Variants in DNM3 observed in about 807,000 individuals in gnomAD.
DNM3 encodes dynamin 3.
In DNM3, 47 loss-of-function variants were observed where a neutral mutation model predicts 101.6. The observed-to-expected ratio is 0.46, with a 90% CI of 0.37 to 0.59. DNM3 has a LOEUF of 0.59. Ranked by LOEUF, DNM3 falls within the 20% of genes least tolerant of loss-of-function variation. The pLI, the probability that DNM3 is intolerant of heterozygous loss-of-function variation, is 0.00. For missense variants in DNM3, 849 were observed against 1,085.7 expected (o/e 0.78, Z 3.06); for synonymous variants, 385 against 387.9 (o/e 0.99, Z 0.09).
rs563729117 is a variant in DNM3 at position 171,917,919 on chromosome 1, T to C, written c.162-3829T>C. ...AATATGCTTACGGGAGAAAACCTAT[T>C]GCACAGAAAATGATACAATTCAATT... On this transcript the variant is annotated intron_variant, in intron 1 of 20. Coordinates refer to ENST00000627582, the MANE Select transcript of DNM3 (RefSeq NM_015569.5). Among the ~76,000 whole-genome samples the C allele has an allele frequency of 2.0e-5, 3 of 152,312 alleles. No individual in the cohort carries two copies. The South Asian group carries it at 6.2e-4, about 32-fold the overall frequency.
In DNM3 at chr1:172,283,272, G is replaced by T. The variant is rs962329807; in HGVS notation, c.1770-25456G>T. Among the ~76,000 whole-genome samples, 5 of 152,016 alleles carry T rather than the reference G, an allele frequency of 3.3e-5. No individual in the cohort carries two copies. The South Asian group carries it at 6.2e-4, about 19-fold the overall frequency. On this transcript the variant is annotated intron_variant, in intron 15 of 20. Transcript: ENST00000627582. ...ATCTCTCTTCTCTTTAGTCACTTTGGAGGCTTTCTCCAGCTCCTTCCCACT... is the reference window on the plus strand; with the variant it reads ...ATCTCTCTTCTCTTTAGTCACTTTGTAGGCTTTCTCCAGCTCCTTCCCACT...
At chr1:172,415,533 T>TG (rs2149144645), downstream of DNM3, among the ~76,000 whole-genome samples, 1 of 112,200 alleles carries the variant, frequency 8.9e-6, no homozygotes, top group African/African-American at 3.0e-5. Flanking sequence ...AGTTTTTTTT[T>TG]TTTTTTTTTT....
At chr1:171,871,530 G>T (rs988437746) in intron 1 of DNM3, among the ~76,000 whole-genome samples, 1 of 152,112 alleles carries the variant, frequency 6.6e-6, no homozygotes, top group Non-Finnish European at 1.5e-5. Flanking sequence ...TAGGATTCTC[G>T]CAAGAACTGT....
chr1:171,988,304 C>A (rs75628552), intron 3 of DNM3, among the ~76,000 whole-genome samples: 5,143 of 152,104 alleles, frequency 0.034, 227 homozygotes, highest in African/African-American at 0.1. Context: ...TTTTAGTGGG[C>A]AAATTTTCAT....
At chr1:171,975,180 T>G (rs1307949937) in intron 2 of DNM3, among the ~76,000 whole-genome samples, 1 of 152,154 alleles carries the variant, frequency 6.6e-6, no homozygotes, top group East Asian at 1.9e-4. Context: ...TTAAAAAACT[T>G]TCAAGAAATG....
rs184283166 is a variant in DNM3 at position 172,268,763 on chromosome 1, A to C, written c.1769+15081A>C. Among the ~76,000 whole-genome samples, 35 of 152,324 alleles carry C rather than the reference A, an allele frequency of 2.3e-4. No homozygotes were observed. The East Asian group carries it at 5.6e-3, about 24-fold the overall frequency. ...CCTGTGACTTAAAGCAAGCAATTTA[A>C]ATTCTTTATTGTTTTTCAAATGAAA... On this transcript the variant is annotated intron_variant, in intron 15 of 20. Coordinates refer to ENST00000627582, the MANE Select transcript of DNM3 (RefSeq NM_015569.5).
At chr1:172,294,292 T>G (rs992784380) in intron 15 of DNM3, among the ~76,000 whole-genome samples, 1 of 152,188 alleles carries the variant, frequency 6.6e-6, no homozygotes, top group Non-Finnish European at 1.5e-5. Flanking sequence ...CTTTTAAACT[T>G]GAATATCTTA....
rs139756378 is a variant in DNM3, at chr1:172,343,327, C to T, written c.1893+19987C>T. 8.3e-3 allele frequency among the ~76,000 whole-genome samples: 1,264 copies of T among 151,770 alleles called. 10 individuals are homozygous for T. The highest frequency in any genetic ancestry group is 0.029 in the African/African-American group (1,187 of 41,282). ...ACTAAAAACAACAAAATTCCAAAAG[C>T]TTTTACTAATTAAAAAGAGAGGAAC... On this transcript the variant is annotated intron_variant, in intron 17 of 20. Coordinates refer to ENST00000627582, the MANE Select transcript of DNM3 (RefSeq NM_015569.5).
chr1:172,296,068 A>G (rs1195326801), intron 15 of DNM3, among the ~76,000 whole-genome samples: 1 of 152,224 alleles, frequency 6.6e-6, no homozygotes, highest in Non-Finnish European at 1.5e-5. Flanking sequence ...TTATAAAATT[A>G]GCAAACATAC....
chr1:172,085,921 A>G (rs2053498713), intron 12 of DNM3, among the ~76,000 whole-genome samples: 1 of 152,144 alleles, frequency 6.6e-6, no homozygotes. Flanking sequence ...AAACTTAGGT[A>G]TTGGAGTATA....
chr1:172,171,211 C>T (rs1316244595), intron 14 of DNM3, among the ~76,000 whole-genome samples: 1 of 151,722 alleles, frequency 6.6e-6, no homozygotes, highest in African/African-American at 2.4e-5. Flanking sequence ...GAATTAACTA[C>T]TGATCTTGAT....
chr1:172,299,204 G>A (rs1052405962), intron 15 of DNM3, among the ~76,000 whole-genome samples: 2 of 152,184 alleles, frequency 1.3e-5, no homozygotes, highest in African/African-American at 2.4e-5. Flanking sequence ...GAAGTCCAAG[G>A]TGGCTGGCAC....
At chr1:172,279,828 G>A (rs2063420732) in intron 15 of DNM3, among the ~76,000 whole-genome samples, 1 of 152,098 alleles carries the variant, frequency 6.6e-6, no homozygotes, top group Non-Finnish European at 1.5e-5. Flanking sequence ...TTTGGCAGTA[G>A]CCTCCTCCTT....
At position 171,853,212 on chromosome 1, in the gene DNM3, G is replaced by A. The variant is rs191434627; in HGVS notation, c.161+11395G>A. On this transcript the variant is annotated intron_variant, in intron 1 of 20. Coordinates refer to ENST00000627582, the MANE Select transcript of DNM3 (RefSeq NM_015569.5). ...AGGCTCTAGCTCTGTCACCCAGGCT[G>A]GAGGGCAATGGCATGAAAACTGCTC... 2.3e-4 allele frequency among the ~76,000 whole-genome samples: 35 copies of A among 152,032 alleles called. 1 individual carries two copies. In the East Asian group the frequency reaches 6.2e-3, roughly 27 times the overall value.
At chr1:172,168,015 A>G (rs2058813781) in intron 14 of DNM3, among the ~76,000 whole-genome samples, 2 of 152,022 alleles carry the variant, frequency 1.3e-5, no homozygotes, top group Admixed American at 1.3e-4. Context: ...CAAAGGGAAA[A>G]CATGAACATA....
chr1:172,345,164 A>T (rs1015448120), intron 17 of DNM3, among the ~76,000 whole-genome samples: 2 of 152,232 alleles, frequency 1.3e-5, no homozygotes, highest in African/African-American at 4.8e-5. Context: ...GTCTTTCTCG[A>T]AAGTTCAGAG....
intron 1 of DNM3, among the ~76,000 whole-genome samples, chr1:171,893,166 C>CT (rs2037450335): frequency 6.6e-6 from 1 of 152,150 alleles, no homozygotes; most frequent in African/African-American, 2.4e-5. Context: ...GTTAGACTGT[C>CT]TGTTTTGTCA....
At chr1:171,928,853 G>A (rs2040785943) in intron 2 of DNM3, among the ~76,000 whole-genome samples, 1 of 152,148 alleles carries the variant, frequency 6.6e-6, no homozygotes, top group African/African-American at 2.4e-5. Flanking sequence ...GAGCTCTTGT[G>A]GTATGCTTGG....
intron 15 of DNM3, among the ~76,000 whole-genome samples, chr1:172,286,693 G>A (rs879686336): frequency 1.3e-5 from 2 of 152,072 alleles, no homozygotes; most frequent in Non-Finnish European, 1.5e-5. Flanking sequence ...GCCTTCTGTC[G>A]CTTCCTCTTT....
Sources: gnomAD v4.1 joint callset for allele counts (sites outside exome capture counted in the v4.1 genomes callset) on GRCh38, gnomAD v4.1.1 for gene constraint, MANE v1.5 for transcripts, NCBI Gene and HGNC (gene_info 2026-07-23, HGNC 2026-07-21) for gene names.